MNAT1: variants seen among roughly 807,000 people sequenced by gnomAD.
MNAT1 encodes MNAT1 component of CDK activating kinase.
A neutral mutation model predicts 42.0 loss-of-function variants in MNAT1; 43 were observed. The ratio of observed to expected loss-of-function variants is 1.02; its 90% CI spans 0.80 to 1.32. The LOEUF is 1.32. Ranked by LOEUF, MNAT1 falls within the 40% of genes most tolerant of loss-of-function variation. MNAT1 has a pLI of 0.00. For synonymous variants in MNAT1, 118 were observed against 120.0 expected (o/e 0.98, Z 0.11); for missense variants, 306 against 350.4 (o/e 0.87, Z 1.01).
In MNAT1 at chr14:60,849,469, T is replaced by G. The variant is rs540841379; in HGVS notation, c.688-30245T>G. ...ATGAATGTTACTAATGAGAATGGAC[T>G]TTTTAGTATACGCCTAAAGTCAATA... On this transcript the variant is annotated intron_variant, in intron 6 of 7. Coordinates refer to ENST00000261245, the MANE Select transcript of MNAT1 (RefSeq NM_002431.4). Among the ~76,000 whole-genome samples the G allele has an allele frequency of 1.8e-4, 28 of 152,346 alleles. No homozygotes were observed. The South Asian group carries it at 4.1e-3, about 23-fold the overall frequency.
At chr14:60,936,207 C>A (rs917350902) in intron 7 of MNAT1, among the ~76,000 whole-genome samples, 1 of 152,108 alleles carries the variant, frequency 6.6e-6, no homozygotes, top group Non-Finnish European at 1.5e-5. Flanking sequence ...AGAGATTCTC[C>A]GGAGACCCCT....
At chr14:60,754,362 G>A (rs902673693) in intron 1 of MNAT1, among the ~76,000 whole-genome samples, 46 of 128,056 alleles carry the variant, frequency 3.6e-4, no homozygotes, top group African/African-American at 1.3e-3. Flanking sequence ...TTTTTTTTGA[G>A]ACCGAGTCTC....
chr14:60,880,809 T>A (rs1426907034), intron 7 of MNAT1, among the ~76,000 whole-genome samples: 1 of 152,152 alleles, frequency 6.6e-6, no homozygotes, highest in Non-Finnish European at 1.5e-5. Context: ...TCTCTTAAAG[T>A]CCTACAGCCT....
chr14:60,859,394 AG>A (rs1380526620), intron 6 of MNAT1, among the ~76,000 whole-genome samples: 2 of 152,150 alleles, frequency 1.3e-5, no homozygotes, highest in Non-Finnish European at 2.9e-5. Context: ...CACATTACCC[AG>A]GTTTTCTGTG....
Position 60,806,789 on chromosome 14 carries a change from G to A in MNAT1, c.317-1536G>A, listed in dbSNP as rs1004434399. Among the ~76,000 whole-genome samples the A allele has an allele frequency of 2.6e-5, 4 of 152,298 alleles. No homozygotes were observed. In the Middle Eastern group the frequency reaches 0.01, roughly 389 times the overall value. On this transcript the variant is annotated intron_variant, in intron 3 of 7. Transcript: ENST00000261245. ...AGAGTTGTGAAAGATCATTGGATTT[G>A]GTTGCTTAGAGGATGGCCTATTAAA...
chr14:60,937,547 T>C (rs1281004034), intron 7 of MNAT1, among the ~76,000 whole-genome samples: 2 of 152,178 alleles, frequency 1.3e-5, no homozygotes, highest in Admixed American at 6.5e-5. Context: ...TGTAGATATG[T>C]GGCATTATTT....
intron 1 of MNAT1, among the ~76,000 whole-genome samples, chr14:60,743,379 C>T (rs1896529873): frequency 6.6e-6 from 1 of 152,092 alleles, no homozygotes; most frequent in Admixed American, 6.5e-5. Context: ...GCCTCCGCCT[C>T]CCAGGTTCAA....
intron 1 of MNAT1, among the ~76,000 whole-genome samples, chr14:60,772,349 C>T (rs1479103005): frequency 6.6e-6 from 1 of 152,170 alleles, no homozygotes; most frequent in Non-Finnish European, 1.5e-5. Context: ...CTTTGGGAGG[C>T]GGAGGCAGGT....
intron 7 of MNAT1, among the ~76,000 whole-genome samples, chr14:60,931,117 TG>T (rs1180259719): frequency 2.0e-5 from 3 of 152,126 alleles, no homozygotes; most frequent in Non-Finnish European, 2.9e-5. Flanking sequence ...GGAATGGATT[TG>T]AGACTGAAGG....
intron 7 of MNAT1, among the ~76,000 whole-genome samples, chr14:60,943,659 A>G (rs2036219796): frequency 1.3e-5 from 2 of 151,880 alleles, no homozygotes; most frequent in Admixed American, 1.3e-4. Flanking sequence ...GAGACATAAA[A>G]TTATCCAAAA....
chr14:60,734,995 G>T lies in MNAT1; in HGVS notation c.89+44G>T. 3 of 1,586,880 alleles carry T rather than the reference G, an allele frequency of 1.9e-6. No individual in the cohort carries two copies. Among genetic ancestry groups the T allele is most frequent in the Non-Finnish European group, 2.6e-6 (3 of 1,155,248 alleles). ...GATTCCCTGGGGGAGAGACGCGCTG[G>T]GTGGGAGGAGAGGACCGGGAGATGC... On this transcript the variant is annotated intron_variant, in intron 1 of 7. Transcript: ENST00000261245. This position sits in a 1 kb window ranked among gnomAD's most constrained non-coding sequence, Gnocchi z 4.3.
At chr14:60,843,938 A>T (rs1318906296) in intron 6 of MNAT1, among the ~76,000 whole-genome samples, 1 of 152,098 alleles carries the variant, frequency 6.6e-6, no homozygotes, top group Non-Finnish European at 1.5e-5. Flanking sequence ...TGGGTTCCTG[A>T]TCCATCTTGT....
intron 3 of MNAT1, chr14:60,799,150 A>G: frequency 1.4e-6 from 1 of 701,592 alleles, no homozygotes; most frequent in Non-Finnish European, 1.8e-6. Flanking sequence ...TGCCATAGCA[A>G]AAGCATGTGG....
intron 6 of MNAT1, among the ~76,000 whole-genome samples, chr14:60,849,848 T>C (rs1236985733): frequency 1.3e-5 from 2 of 152,098 alleles, no homozygotes; most frequent in East Asian, 1.9e-4. Flanking sequence ...TTCTTTCTTT[T>C]TTTTTTTAAA....
At chr14:60,799,933 G>A (rs1182203085) in intron 3 of MNAT1, among the ~76,000 whole-genome samples, 1 of 152,034 alleles carries the variant, frequency 6.6e-6, no homozygotes, top group East Asian at 1.9e-4. Context: ...GCTATTATGT[G>A]TATTCATGAA....
At chr14:60,950,359 C>T (rs542248365) in intron 7 of MNAT1, among the ~76,000 whole-genome samples, 1 of 152,242 alleles carries the variant, frequency 6.6e-6, no homozygotes, top group Non-Finnish European at 1.5e-5. Flanking sequence ...CAAATATACT[C>T]ATTAAGAAAA....
chr14:60,837,379 G>A (rs2033421261), intron 6 of MNAT1, among the ~76,000 whole-genome samples: 1 of 152,228 alleles, frequency 6.6e-6, no homozygotes, highest in Admixed American at 6.5e-5. Flanking sequence ...CTTGGTCTGT[G>A]GGTTGCAAAG....
chr14:60,969,447 TA>T lies in MNAT1; in HGVS notation c.*1100del, dbSNP rs2036741895. On this transcript the variant is annotated 3_prime_UTR_variant, in exon 8 of 8. Coordinates refer to ENST00000261245, the MANE Select transcript of MNAT1 (RefSeq NM_002431.4). ...CTGTAACAACTCCATCTTATTTTACTAAGCAGTTATTAATTAATTTTAGCAA... is the reference window on the plus strand; with the variant it reads ...CTGTAACAACTCCATCTTATTTTACTAGCAGTTATTAATTAATTTTAGCAA... The T allele has an allele frequency of 6.6e-6, 1 of 152,228 alleles. No homozygotes were observed. Among genetic ancestry groups the T allele is most frequent in the Non-Finnish European group, 1.5e-5 (1 of 68,026 alleles). The allele number at this position is 152,228 out of a possible 1,614,324, so 9.4% of individuals were successfully genotyped here.
At chr14:60,947,793 C>T (rs1246335271) in intron 7 of MNAT1, among the ~76,000 whole-genome samples, 1 of 152,154 alleles carries the variant, frequency 6.6e-6, no homozygotes, top group Non-Finnish European at 1.5e-5. Flanking sequence ...TGTGTCTGAC[C>T]AGTACTTCAC....
Sources: allele counts gnomAD v4.1 joint callset (sites outside exome capture counted in the v4.1 genomes callset), GRCh38; gene constraint gnomAD v4.1.1; non-coding constraint Gnocchi (gnomAD v3.1); transcripts MANE v1.5; gene names NCBI Gene and HGNC (gene_info 2026-07-23, HGNC 2026-07-21).